The following MCC variants were observed in gnomAD, a reference collection of about 807,000 sequenced individuals.
The protein encoded by MCC is colorectal mutant cancer protein.
MCC carries 90 observed loss-of-function variants against 116.2 expected under a neutral mutation model. That is an observed-to-expected ratio of 0.77 (90% CI 0.65 to 0.92). MCC has a LOEUF of 0.92. MCC is among the 40% of genes least tolerant of loss of function. MCC has a pLI of 0.00. For synonymous variants in MCC, 578 were observed against 510.5 expected, an observed-to-expected ratio of 1.13 and a Z score of -1.78; for missense variants, 1,516 against 1,312.2, an observed-to-expected ratio of 1.16 and a Z score of -2.40.
chr5:113,227,456 C>T (rs376633438), intron 3 of MCC, among the ~76,000 whole-genome samples: 5 of 152,138 alleles, frequency 3.3e-5, no homozygotes, highest in East Asian at 1.9e-4. Flanking sequence ...TATAGTAACT[C>T]GAATTATTTA....
chr5:113,309,735 G>A (rs1032642874), intron 3 of MCC, among the ~76,000 whole-genome samples: 3 of 152,030 alleles, frequency 2.0e-5, no homozygotes, highest in African/African-American at 7.2e-5. Flanking sequence ...TTTTCTTTGA[G>A]TAGATATCCA....
chr5:113,087,265 G>C (rs1215784743), intron 8 of MCC, among the ~76,000 whole-genome samples: 1 of 152,146 alleles, frequency 6.6e-6, no homozygotes, highest in Non-Finnish European at 1.5e-5. Context: ...TTCCCTCAAA[G>C]CAAATTGCAT....
intron 3 of MCC, among the ~76,000 whole-genome samples, chr5:113,256,258 C>A (rs1764998768): frequency 6.6e-6 from 1 of 152,114 alleles, no homozygotes; most frequent in African/African-American, 2.4e-5. Context: ...GAATTGAAGC[C>A]TATCCTCATC....
chr5:113,083,061 T>G lies in MCC; in HGVS notation c.1636-53A>C, dbSNP rs1349269981. 2.0e-6 allele frequency: 3 copies of G among 1,530,972 alleles called. No individual in the cohort carries two copies. In the Admixed American group the frequency reaches 5.7e-5, roughly 29 times the overall value. 94.8% of individuals were successfully genotyped at this position (1,530,972 alleles called of 1,614,324 possible). ...TGGAACATATCATTTCAGAGATGCATGTTTTGCATGCAAAAGAATTTAAAG... is the reference window on the plus strand; with the variant it reads ...TGGAACATATCATTTCAGAGATGCAGGTTTTGCATGCAAAAGAATTTAAAG... On this transcript the variant is annotated intron_variant, in intron 10 of 18. Transcript: ENST00000408903.
At chr5:113,140,563 C>T (rs907168455) in intron 5 of MCC, among the ~76,000 whole-genome samples, 2 of 152,182 alleles carry the variant, frequency 1.3e-5, no homozygotes, top group East Asian at 1.9e-4. Flanking sequence ...TCTTTTAGGG[C>T]AGTCACAGAA....
intron 13 of MCC, 75 bp from the exon 14 acceptor site, chr5:113,064,242 T>G: frequency 7.5e-7 from 1 of 1,326,780 alleles, no homozygotes; most frequent in Non-Finnish European, 1.0e-6. Flanking sequence ...CTATGCATAA[T>G]TAACTCTGTT....
chr5:113,325,077 C>T (rs1045827801), intron 3 of MCC, among the ~76,000 whole-genome samples: 7 of 152,084 alleles, frequency 4.6e-5, no homozygotes, highest in Admixed American at 6.5e-5. Context: ...TGGGCTCAAG[C>T]GATCCTCCTG....
At chr5:113,336,195 C>G (rs1268356942) in intron 3 of MCC, among the ~76,000 whole-genome samples, 4 of 151,606 alleles carry the variant, frequency 2.6e-5, no homozygotes, top group Non-Finnish European at 5.9e-5. Flanking sequence ...GGCCTAATCA[C>G]CTCTTAATTG....
intron 2 of MCC, among the ~76,000 whole-genome samples, chr5:113,342,551 C>T (rs1424512407): frequency 6.6e-6 from 1 of 152,112 alleles, no homozygotes; most frequent in Non-Finnish European, 1.5e-5. Context: ...AAAAGTAGAA[C>T]TAAAGGAAGG....
intron 1 of MCC, among the ~76,000 whole-genome samples, chr5:113,461,851 G>A (rs1771754274): frequency 6.6e-6 from 1 of 151,950 alleles, no homozygotes; most frequent in African/African-American, 2.4e-5. Context: ...TATTCACTGA[G>A]GGAGGCATGT....
At chr5:113,180,762 C>T (rs1329852366) in intron 3 of MCC, among the ~76,000 whole-genome samples, 3 of 152,116 alleles carry the variant, frequency 2.0e-5, no homozygotes, top group African/African-American at 7.2e-5. Flanking sequence ...ACATTAATGG[C>T]ATGTCTATCT....
chr5:113,206,022 C>T (rs1762897604), intron 3 of MCC, among the ~76,000 whole-genome samples: 1 of 152,226 alleles, frequency 6.6e-6, no homozygotes, highest in Admixed American at 6.5e-5. Flanking sequence ...TGTGTGCTGG[C>T]ATCTGCAGTG....
At chr5:113,443,672 TG>T (rs1329717033) in intron 1 of MCC, among the ~76,000 whole-genome samples, 62 of 152,282 alleles carry the variant, frequency 4.1e-4, no homozygotes, top group African/African-American at 1.4e-3. Flanking sequence ...TACATTCCAT[TG>T]ATACCTAGTT....
At chr5:113,118,338 A>T (rs894898025) in intron 6 of MCC, among the ~76,000 whole-genome samples, 3 of 152,074 alleles carry the variant, frequency 2.0e-5, no homozygotes, top group African/African-American at 7.3e-5. Context: ...ATGTGTGACG[A>T]GGTTTGATAA....
chr5:113,459,286 C>T (rs1771677217), intron 1 of MCC, among the ~76,000 whole-genome samples: 1 of 151,868 alleles, frequency 6.6e-6, no homozygotes, highest in South Asian at 2.1e-4. Flanking sequence ...GTAATCCCAG[C>T]ACTTTGGGAG....
chr5:113,062,418 A>G (rs1217835500), intron 14 of MCC, among the ~76,000 whole-genome samples: 2 of 152,220 alleles, frequency 1.3e-5, no homozygotes, highest in African/African-American at 4.8e-5. Context: ...TCAGAATAAA[A>G]CCACAACATT....
intron 1 of MCC, among the ~76,000 whole-genome samples, chr5:113,459,133 ATGTGTGTG>A (rs542497591): frequency 0.015 from 1,016 of 68,356 alleles, 19 homozygotes; most frequent in African/African-American, 0.052. Context: ...GAGTAAGGAT[ATGTGTGTG>A]TGTGTGTGTG....
intron 4 of MCC, among the ~76,000 whole-genome samples, chr5:113,144,170 C>A (rs1006240475): frequency 6.6e-6 from 1 of 152,184 alleles, no homozygotes; most frequent in African/African-American, 2.4e-5. Context: ...GCTTCCCTTG[C>A]TCAGCATTTG....
At chr5:113,185,032 A>T (rs1761828435) in intron 3 of MCC, among the ~76,000 whole-genome samples, 1 of 152,202 alleles carries the variant, frequency 6.6e-6, no homozygotes, top group Non-Finnish European at 1.5e-5. Context: ...GGCACCAGGG[A>T]AGCTGGGGAA....
Sources: allele counts gnomAD v4.1 joint callset (sites outside exome capture counted in the v4.1 genomes callset), GRCh38; gene constraint gnomAD v4.1.1; transcripts MANE v1.5; gene names NCBI Gene and HGNC (gene_info 2026-07-23, HGNC 2026-07-21).